Variants in POLR3B observed in about 807,000 individuals in gnomAD.
POLR3B encodes DNA-directed RNA polymerase III subunit RPC2.
POLR3B carries 96 observed loss-of-function variants against 147.4 expected under a neutral mutation model. The observed-to-expected ratio is 0.65, with a 90% CI of 0.55 to 0.77. The LOEUF (loss-of-function observed/expected upper bound fraction) is 0.77, where lower values mean the gene tolerates loss of function less well. Ranked by LOEUF, POLR3B falls within the 30% of genes least tolerant of loss-of-function variation. The pLI is 0.00. For missense variants in POLR3B, 1,036 were observed against 1,413.5 expected, an observed-to-expected ratio of 0.73 and a Z score of 4.28; for synonymous variants, 461 against 485.9, an observed-to-expected ratio of 0.95 and a Z score of 0.67.
intron 8 of POLR3B, among the ~76,000 whole-genome samples, chr12:106,379,687 G>A (rs2036733399): frequency 6.6e-6 from 1 of 152,046 alleles, no homozygotes; most frequent in African/African-American, 2.4e-5. Flanking sequence ...TTATGTTTAA[G>A]GCCCATATAT....
chr12:106,420,969 A>C (rs11112986), intron 12 of POLR3B, among the ~76,000 whole-genome samples: 49,786 of 151,926 alleles, frequency 0.33, 11,114 homozygotes, highest in African/African-American at 0.64. Context: ...TACATCTTTA[A>C]TTTTAAAGTT....
At chr12:106,486,698 C>T (rs1015538107) in intron 23 of POLR3B, among the ~76,000 whole-genome samples, 1 of 152,158 alleles carries the variant, frequency 6.6e-6, no homozygotes, top group African/African-American at 2.4e-5. Context: ...GCCAAAGCCC[C>T]ATATTAAGAT....
rs988475856 is a variant in POLR3B at position 106,378,322 on chromosome 12, G to A, written c.552G>A (p.Leu184=). The A allele has an allele frequency of 1.2e-6, 2 of 1,613,852 alleles. No individual in the cohort carries two copies. Among genetic ancestry groups the A allele is most frequent in the Admixed American group, 1.7e-5 (1 of 59,982 alleles). ...VEKVILIQEQ[L]SKNRIIVEAD... is the part of the protein sequence containing the mutation. The stretch of plus-strand genomic sequence containing the variant: ...AAGTTATTCTTATCCAAGAGCAGCT[G>A]TCTAAGAACAGGATCATCGTGGAGG... Residue 184 remains leucine (L), a synonymous_variant, in exon 8 of 28, where the codon CTG becomes CTA. Coordinates refer to ENST00000228347, the MANE Select transcript of POLR3B (RefSeq NM_018082.6).
At chr12:106,422,963 T>C (rs10861601) in intron 12 of POLR3B, among the ~76,000 whole-genome samples, 51,239 of 152,022 alleles carry the variant, frequency 0.34, 11,505 homozygotes, top group African/African-American at 0.64. Context: ...TTTATTTTGG[T>C]TTTCTTTGAT....
intron 11 of POLR3B, among the ~76,000 whole-genome samples, chr12:106,407,724 G>A (rs1351729799): frequency 6.6e-6 from 1 of 150,600 alleles, no homozygotes; most frequent in Non-Finnish European, 1.5e-5. Context: ...AGCTACTTGG[G>A]AGGCTGAGGC....
intron 12 of POLR3B, among the ~76,000 whole-genome samples, chr12:106,418,936 G>C (rs1194007103): frequency 1.3e-5 from 2 of 152,148 alleles, no homozygotes; most frequent in African/African-American, 4.8e-5. Flanking sequence ...ACATTTCCTT[G>C]TGTTTGAATC....
intron 11 of POLR3B, among the ~76,000 whole-genome samples, chr12:106,409,286 G>A (rs1242123076): frequency 6.8e-6 from 1 of 147,854 alleles, no homozygotes; most frequent in Non-Finnish European, 1.5e-5. Flanking sequence ...ACTTATAGCT[G>A]CCCAGACACT....
At chr12:106,425,581 G>T (rs1200480905) in intron 12 of POLR3B, among the ~76,000 whole-genome samples, 1 of 152,124 alleles carries the variant, frequency 6.6e-6, no homozygotes, top group Non-Finnish European at 1.5e-5. Context: ...CAGGGAAGTA[G>T]GTAGGTAGGG....
chr12:106,464,171 A>G (rs2037975929), intron 23 of POLR3B, among the ~76,000 whole-genome samples: 1 of 152,198 alleles, frequency 6.6e-6, no homozygotes, highest in South Asian at 2.1e-4. Context: ...TGTGTCTTAC[A>G]TCTAATCCCA....
intron 23 of POLR3B, among the ~76,000 whole-genome samples, chr12:106,488,085 G>T (rs964598776): frequency 6.6e-6 from 1 of 152,198 alleles, no homozygotes; most frequent in Non-Finnish European, 1.5e-5. Flanking sequence ...TGTAAAGAAG[G>T]TGGCATCACA....
chr12:106,456,882 G>A (rs949532135), intron 20 of POLR3B, among the ~76,000 whole-genome samples: 16 of 152,184 alleles, frequency 1.1e-4, no homozygotes, highest in African/African-American at 3.6e-4. Flanking sequence ...ATGACAAGGT[G>A]TATTCCATGC....
chr12:106,369,952 C>A (rs1012610547), intron 6 of POLR3B, among the ~76,000 whole-genome samples: 4 of 152,000 alleles, frequency 2.6e-5, no homozygotes, highest in Admixed American at 2.0e-4. Context: ...ATACAATAGC[C>A]TTTCAGTGAA....
chr12:106,453,845 C>A (rs1244656571), intron 19 of POLR3B, among the ~76,000 whole-genome samples: 7 of 152,044 alleles, frequency 4.6e-5, no homozygotes, highest in Non-Finnish European at 7.4e-5. Flanking sequence ...AAGAGCCCAC[C>A]CCTGATTGGG....
intron 18 of POLR3B, among the ~76,000 whole-genome samples, chr12:106,441,755 C>T (rs1296665060): frequency 3.9e-5 from 6 of 152,032 alleles, no homozygotes; most frequent in South Asian, 2.1e-4. Flanking sequence ...AGTTTTCATT[C>T]GAACTAAATT....
At chr12:106,411,112 C>T (rs1441493197) in intron 12 of POLR3B, 152 bp downstream of exon 12, 2 of 681,306 alleles carry the variant, frequency 2.9e-6, no homozygotes, top group South Asian at 1.9e-5. Flanking sequence ...CCTAGAATTC[C>T]TTTAACTATA....
At chr12:106,453,258 C>T (rs1474535073) in intron 19 of POLR3B, among the ~76,000 whole-genome samples, 7 of 152,038 alleles carry the variant, frequency 4.6e-5, no homozygotes, top group Admixed American at 3.9e-4. Context: ...GCAGTCCACC[C>T]ACATCGACCT....
At position 106,454,597 on chromosome 12, in the gene POLR3B, T is replaced by C. The variant is rs375960295; in HGVS notation, c.2179T>C (p.Leu727=). 4.2e-5 allele frequency: 67 copies of C among 1,607,802 alleles called. No homozygotes were observed. The Middle Eastern group carries it at 5.0e-4, about 12-fold the overall frequency. Reference sequence around the variant, plus strand: ...CATGGTTAAGACAAAAACCATTGAATTGATAGAATTTGAGAAACTGCCAGC... The same window carrying C: ...CATGGTTAAGACAAAAACCATTGAACTGATAGAATTTGAGAAACTGCCAGC... ...KPMVKTKTIE[L]IEFEKLPAGQ... is the part of the protein sequence containing the mutation. The change falls in exon 20 of 28, where the codon TTG becomes CTG. Residue 727 remains leucine (L), a synonymous_variant. Transcript: ENST00000228347.
At chr12:106,496,250 T>G (rs917963082) in intron 24 of POLR3B, 92 bp downstream of exon 24, 4 of 845,570 alleles carry the variant, frequency 4.7e-6, no homozygotes, top group Non-Finnish European at 8.3e-6. Context: ...ACGAGGACTC[T>G]GAAGCTGTTT....
intron 27 of POLR3B, among the ~76,000 whole-genome samples, chr12:106,509,134 C>T (rs1235053112): frequency 2.0e-5 from 3 of 152,152 alleles, no homozygotes; most frequent in Non-Finnish European, 2.9e-5. Flanking sequence ...AAATGTTTTA[C>T]ATTTTAAGGA....
Sources: gnomAD v4.1 joint callset for allele counts (sites outside exome capture counted in the v4.1 genomes callset) on GRCh38, gnomAD v4.1.1 for gene constraint, MANE v1.5 for transcripts, NCBI Gene and HGNC (gene_info 2026-07-23, HGNC 2026-07-21) for gene names.